The following ZNF613 variants were observed in gnomAD, a reference collection of about 807,000 sequenced individuals.
ZNF613 encodes zinc finger protein 613.
Under a neutral mutation model 14.3 loss-of-function variants are expected in ZNF613, and 8 were observed. The observed-to-expected ratio is 0.56, with a 90% CI of 0.33 to 1.01. The LOEUF (loss-of-function observed/expected upper bound fraction) is 1.01, where lower values mean the gene tolerates loss of function less well. Ranked by LOEUF, ZNF613 falls within the 50% of genes least tolerant of loss-of-function variation. The pLI is 0.03. For synonymous variants in ZNF613, 228 were observed against 254.5 expected (o/e 0.90, Z 0.99); for missense variants, 656 against 741.9 (o/e 0.88, Z 1.35).
chr19:51,933,719 A>G (rs543987874), intron 2 of ZNF613, among the ~76,000 whole-genome samples: 175 of 152,254 alleles, frequency 1.1e-3, no homozygotes, highest in Admixed American at 1.9e-3. Flanking sequence ...TGAGCTGGGG[A>G]GGGGGTGGAG....
chr19:51,944,954 A>G lies in ZNF613; in HGVS notation c.1071A>G (p.Ser357=). 2.5e-6 allele frequency: 4 copies of G among 1,614,192 alleles called. No homozygotes were observed. The highest frequency in any genetic ancestry group is 3.4e-6 in the Non-Finnish European group (4 of 1,180,044). The part of the protein sequence containing the change: ...TECDKAFRWK[S]QLNAHQKAHT... The stretch of plus-strand genomic sequence containing the variant: ...GTGACAAAGCATTCCGCTGGAAATC[A>G]CAGCTCAATGCACATCAGAAAGCTC... The change falls in exon 6 of 6, where the codon TCA becomes TCG. Residue 357 remains serine (S), a synonymous_variant. Coordinates refer to ENST00000293471, the MANE Select transcript of ZNF613 (RefSeq NM_001031721.4).
intron 2 of ZNF613, among the ~76,000 whole-genome samples, chr19:51,934,699 G>A (rs1162189432): frequency 6.6e-6 from 1 of 152,134 alleles, no homozygotes; most frequent in East Asian, 1.9e-4. Context: ...GGAGCAAACA[G>A]GCGTGATTAC....
rs144333208 is a variant in ZNF613 at position 51,945,227 on chromosome 19, A to T, written c.1344A>T (p.Arg448Ser). Reference protein sequence around the residue: ...SQKTCLISHQRFHTGKTPFVC... With the variant: ...SQKTCLISHQSFHTGKTPFVC... ...AGACATGTTTAATATCCCATCAGAGATTTCACACAGGAAAGACACCCTTTG... is the reference window on the plus strand; with the variant it reads ...AGACATGTTTAATATCCCATCAGAGTTTTCACACAGGAAAGACACCCTTTG... Residue 448 changes from arginine to serine, a missense_variant, in exon 6 of 6, where the codon AGA becomes AGT. Coordinates refer to ENST00000293471, the MANE Select transcript of ZNF613 (RefSeq NM_001031721.4). 4.4e-5 allele frequency: 71 copies of T among 1,614,054 alleles called. No individual in the cohort carries two copies. The highest frequency in any genetic ancestry group is 5.6e-5 in the Non-Finnish European group (66 of 1,180,026).
At chr19:51,928,758 G>A (rs1350502768) in intron 1 of ZNF613, among the ~76,000 whole-genome samples, 1 of 151,640 alleles carries the variant, frequency 6.6e-6, no homozygotes, top group Non-Finnish European at 1.5e-5. Flanking sequence ...GGGAGGCTGA[G>A]GTGGGACGAT....
At chr19:51,934,170 G>A (rs2085288497) in intron 2 of ZNF613, among the ~76,000 whole-genome samples, 4 of 152,042 alleles carry the variant, frequency 2.6e-5, no homozygotes, top group Admixed American at 2.6e-4. Flanking sequence ...TCAGAGTTCT[G>A]ACCAAGTTTT....
chr19:51,940,450 C>T, intron 4 of ZNF613, 115 bp downstream of exon 4: 2 of 1,562,510 alleles, frequency 1.3e-6, no homozygotes, highest in Non-Finnish European at 1.7e-6. Flanking sequence ...ATTCTGTACC[C>T]TCTCTGGCCC....
At chr19:51,931,961 A>G (rs2085269058) in intron 2 of ZNF613, among the ~76,000 whole-genome samples, 2 of 152,184 alleles carry the variant, frequency 1.3e-5, no homozygotes, top group South Asian at 4.1e-4. Context: ...CCTTGCCTCT[A>G]GTGGATAAGG....
intron 2 of ZNF613, among the ~76,000 whole-genome samples, chr19:51,932,300 ATC>A (rs1294606210): frequency 1.7e-5 from 2 of 119,020 alleles, no homozygotes; most frequent in African/African-American, 3.0e-5. Flanking sequence ...GGCTCCCAAC[ATC>A]TTTTTTTTTT....
At chr19:51,933,186 G>A (rs2085280522) in intron 2 of ZNF613, among the ~76,000 whole-genome samples, 1 of 152,122 alleles carries the variant, frequency 6.6e-6, no homozygotes, top group Non-Finnish European at 1.5e-5. Context: ...CATGCGTGTG[G>A]CTTTTATATA....
chr19:51,936,325 A>G, intron 3 of ZNF613, 90 bp downstream of exon 3: 3 of 1,372,236 alleles, frequency 2.2e-6, no homozygotes, highest in East Asian at 2.3e-5. Flanking sequence ...CAAAAAGTAT[A>G]ATTTGGTAAA....
Position 51,934,727 on chromosome 19 carries a change from T to A in ZNF613, c.-193-1301T>A, listed in dbSNP as rs557210282. On this transcript the variant is annotated intron_variant, in intron 2 of 5. Coordinates refer to ENST00000293471, the MANE Select transcript of ZNF613 (RefSeq NM_001031721.4). ...GTGATTACATTCTCCAGAAAGCTCATAAGGGTCAAAAATGAAGTAGAAGCT... is the reference window on the plus strand; with the variant it reads ...GTGATTACATTCTCCAGAAAGCTCAAAAGGGTCAAAAATGAAGTAGAAGCT... 3.9e-5 allele frequency among the ~76,000 whole-genome samples: 6 copies of A among 152,176 alleles called. No homozygotes were observed. In the South Asian group the frequency reaches 1.2e-3, roughly 32 times the overall value.
At position 51,944,208 on chromosome 19, in the gene ZNF613, T is replaced by C. The variant is rs1338187179; in HGVS notation, c.325T>C (p.Phe109Leu). ...RVEQCHKHNAFGNIIHQRKSD... is the reference protein window; with the variant it reads ...RVEQCHKHNALGNIIHQRKSD... ...GGAACAATGCCATAAACATAATGCA[T>C]TTGGAAACATCATTCATCAGAGGAA... is the stretch of plus-strand genomic sequence containing the variant. Residue 109 changes from phenylalanine to leucine, a missense_variant, in exon 6 of 6, where the codon TTT becomes CTT. Coordinates refer to ENST00000293471, the MANE Select transcript of ZNF613 (RefSeq NM_001031721.4). 1.2e-6 allele frequency: 2 copies of C among 1,609,120 alleles called. No homozygotes were observed. The highest frequency in any genetic ancestry group is 1.7e-6 in the Non-Finnish European group (2 of 1,176,900).
rs2085389548 is a variant in ZNF613 at position 51,945,320 on chromosome 19, A to C, written c.1437A>C (p.Thr479=). The C allele has an allele frequency of 1.2e-6, 2 of 1,614,052 alleles. No individual in the cohort carries two copies. The change falls in exon 6 of 6, where the codon ACA becomes ACC. Residue 479 remains threonine, a synonymous_variant. Coordinates refer to ENST00000293471, the MANE Select transcript of ZNF613 (RefSeq NM_001031721.4). Reference sequence around the variant, plus strand: ...TCATTAACCACCAGAGAATTCACACAGGAGAGAAACCCTATACATGCAGTG... The same window carrying C: ...TCATTAACCACCAGAGAATTCACACCGGAGAGAAACCCTATACATGCAGTG... ...SGLINHQRIH[T]GEKPYTCSDC...
chr19:51,928,244 AT>A (rs1241403979), intron 1 of ZNF613, among the ~76,000 whole-genome samples: 1 of 152,110 alleles, frequency 6.6e-6, no homozygotes, highest in Non-Finnish European at 1.5e-5. Flanking sequence ...AGGATTTAAT[AT>A]GCGACTCAGT....
chr19:51,945,576 G>T lies in ZNF613; in HGVS notation c.1693G>T (p.Asp565Tyr), dbSNP rs1156513896. 2 of 1,614,028 alleles carry T rather than the reference G, an allele frequency of 1.2e-6. No individual in the cohort carries two copies. The highest frequency in any genetic ancestry group is 3.3e-5 in the Admixed American group (2 of 59,992). ...ATCACATACACGTGATCTCATACAG[G>T]ATAAAGACTCTGTTAACATGGTGAC... is the stretch of plus-strand genomic sequence containing the variant. Reference protein sequence around the residue: ...SLSHTRDLIQDKDSVNMVTLQ... With the variant: ...SLSHTRDLIQYKDSVNMVTLQ... Residue 565 changes from aspartate (D) to tyrosine (Y), a missense_variant, in exon 6 of 6, where the codon GAT (aspartate) becomes TAT (tyrosine). By Grantham distance (160) the Asp-to-Tyr change is radical. Transcript: ENST00000293471.
At chr19:51,930,645 A>C (rs1024495807) in intron 2 of ZNF613, among the ~76,000 whole-genome samples, 14 of 152,180 alleles carry the variant, frequency 9.2e-5, no homozygotes, top group African/African-American at 3.4e-4. Context: ...ATAGTATTTC[A>C]TGGTATGGAT....
chr19:51,932,682 C>CT (rs57077119), intron 2 of ZNF613, among the ~76,000 whole-genome samples: 4,219 of 145,994 alleles, frequency 0.029, 79 homozygotes, highest in Non-Finnish European at 0.04. Flanking sequence ...CTGACATTTT[C>CT]TTTTTTTTTT....
At position 51,929,029 on chromosome 19, in the gene ZNF613, C is replaced by T. The variant is rs542717191; in HGVS notation, c.-358-703C>T. On this transcript the variant is annotated intron_variant, in intron 1 of 5. Transcript: ENST00000293471. ...AGGTTCTGACACAAGTAAAACATCT[C>T]TCTTATCCCAAAATGTGTTCCCCAG... Among the ~76,000 whole-genome samples, 11 of 152,240 alleles carry T rather than the reference C, an allele frequency of 7.2e-5. No individual in the cohort carries two copies. In the South Asian group the frequency reaches 8.3e-4, roughly 11 times the overall value.
chr19:51,944,634 C>A lies in ZNF613; in HGVS notation c.751C>A (p.Gln251Lys). The A allele has an allele frequency of 1.2e-6, 2 of 1,614,138 alleles. No individual in the cohort carries two copies. The highest frequency in any genetic ancestry group is 2.2e-5 in the East Asian group (1 of 44,888). Residue 251 changes from glutamine to lysine, a missense_variant, in exon 6 of 6, where the codon CAG becomes AAG. Gln to Lys is a moderately conservative substitution (Grantham distance 53, BLOSUM62 1). Transcript: ENST00000293471. ...CAGAAAGTCCGGGCTCACTGAACAC[C>A]AGAGAAACCACACAGGAGAGAAACC... is the stretch of plus-strand genomic sequence containing the variant. ...FSRKSGLTEH[Q>K]RNHTGEKPYE...
Sources: gnomAD v4.1 joint callset for allele counts (sites outside exome capture counted in the v4.1 genomes callset) on GRCh38, gnomAD v4.1.1 for gene constraint, MANE v1.5 for transcripts, NCBI Gene and HGNC (gene_info 2026-07-23, HGNC 2026-07-21) for gene names.